The following GCH1 variants were observed in gnomAD, a reference collection of about 807,000 sequenced individuals.
GCH1 encodes GTP cyclohydrolase 1.
Under a neutral mutation model 25.9 loss-of-function variants are expected in GCH1, and 5 were observed. That is an observed-to-expected ratio of 0.19 (90% CI 0.10 to 0.41). GCH1 has a LOEUF of 0.41. Ranked by LOEUF, GCH1 falls within the 10% of genes least tolerant of loss-of-function variation. The probability of loss-of-function intolerance (pLI) is 1.00; values close to 1 mark genes in which losing one functional copy is unlikely to be tolerated. For synonymous variants in GCH1, 159 were observed against 129.6 expected (o/e 1.23, Z -1.54); for missense variants, 261 against 336.5 (o/e 0.78, Z 1.75).
chr14:54,862,245 G>C (rs2039909109), intron 2 of GCH1, among the ~76,000 whole-genome samples: 2 of 151,914 alleles, frequency 1.3e-5, no homozygotes, highest in Non-Finnish European at 2.9e-5. Flanking sequence ...CTCACTTGCT[G>C]GTCTTGAACT....
rs535517364 is a variant in GCH1, at chr14:54,902,327, T to C, written c.337A>G (p.Ile113Val). The change falls in exon 1 of 6, where the codon ATC becomes GTC. Residue 113 changes from isoleucine (I) to valine (V), a missense_variant. Ile to Val is a conservative substitution (Grantham distance 29). Transcript: ENST00000491895. ...AGCCCGCGGGCGCACTGACCTGAGA[T>C]GGTCTCCTGGTAGCCCTTGGTGAAG... ...QFFTKGYQET[I>V]SDVLNDAIFD... The C allele has an allele frequency of 6.2e-7, 1 of 1,612,398 alleles. No homozygotes were observed. Among genetic ancestry groups the C allele is most frequent in the African/African-American group, 1.3e-5 (1 of 75,024 alleles).
chr14:54,852,119 C>G (rs2039740339), intron 3 of GCH1, among the ~76,000 whole-genome samples: 1 of 152,218 alleles, frequency 6.6e-6, no homozygotes, highest in East Asian at 1.9e-4. Context: ...AGTCCTTGCT[C>G]AAGGTCGACA....
chr14:54,859,873 G>A, intron 2 of GCH1, 137 bp from the exon 3 acceptor site: 1 of 684,204 alleles, frequency 1.5e-6, no homozygotes. Context: ...AAAACATCTG[G>A]AACTGTTAAG....
chr14:54,863,267 A>T (rs571039617), intron 2 of GCH1, among the ~76,000 whole-genome samples: 20 of 151,462 alleles, frequency 1.3e-4, no homozygotes, highest in Admixed American at 3.9e-4. Context: ...AAAATACAAC[A>T]ACAAAATTAG....
At chr14:54,883,265 G>A (rs1344612220) in intron 1 of GCH1, among the ~76,000 whole-genome samples, 1 of 151,468 alleles carries the variant, frequency 6.6e-6, no homozygotes, top group African/African-American at 2.4e-5. Flanking sequence ...CCAGCTATTC[G>A]GTAGGCTGAG....
chr14:54,889,652 G>A (rs541567683), intron 1 of GCH1, among the ~76,000 whole-genome samples: 1 of 152,296 alleles, frequency 6.6e-6, no homozygotes, highest in South Asian at 2.1e-4. Context: ...TAAGCAAGAG[G>A]CAGCAGCCAC....
At chr14:54,900,503 G>C (rs2040549986) in intron 1 of GCH1, among the ~76,000 whole-genome samples, 2 of 152,150 alleles carry the variant, frequency 1.3e-5, no homozygotes, top group Admixed American at 6.5e-5. Flanking sequence ...TGAGCACCGA[G>C]CTCGGCCAAC....
At chr14:54,862,685 C>T (rs753758113) in intron 2 of GCH1, among the ~76,000 whole-genome samples, 28 of 140,798 alleles carry the variant, frequency 2.0e-4, no homozygotes, top group African/African-American at 2.6e-4. Flanking sequence ...GAGCTCAAAG[C>T]GATACATCCA....
At chr14:54,877,872 T>C (rs1045318841) in intron 1 of GCH1, among the ~76,000 whole-genome samples, 4 of 152,110 alleles carry the variant, frequency 2.6e-5, no homozygotes, top group African/African-American at 9.7e-5. Context: ...CACAAATCTC[T>C]AGGCCCCACC....
chr14:54,873,535 A>C (rs1427504458), intron 1 of GCH1, among the ~76,000 whole-genome samples: 2 of 97,494 alleles, frequency 2.1e-5, no homozygotes, highest in Non-Finnish European at 4.6e-5. Context: ...AAAAGCCTTC[A>C]AAAAATCAAT....
At chr14:54,875,132 C>T (rs1173598245) in intron 1 of GCH1, among the ~76,000 whole-genome samples, 1 of 152,096 alleles carries the variant, frequency 6.6e-6, no homozygotes, top group Non-Finnish European at 1.5e-5. Flanking sequence ...GAGATATAGA[C>T]CAATGGAACA....
chr14:54,860,346 T>C (rs896935882), intron 2 of GCH1, among the ~76,000 whole-genome samples: 2 of 152,138 alleles, frequency 1.3e-5, no homozygotes, highest in African/African-American at 4.8e-5. Flanking sequence ...CACTAAAATG[T>C]ATACAGGAAA....
chr14:54,896,527 C>T (rs1056733125), intron 1 of GCH1, among the ~76,000 whole-genome samples: 1 of 151,962 alleles, frequency 6.6e-6, no homozygotes, highest in Non-Finnish European at 1.5e-5. Flanking sequence ...TAGATACAGG[C>T]TTTCAAACTT....
chr14:54,886,116 C>A, intron 1 of GCH1: 1 of 158,940 alleles, frequency 6.3e-6, no homozygotes, highest in South Asian at 1.7e-4. Flanking sequence ...CTGGGTGCCC[C>A]ATCTCATCCT....
chr14:54,863,707 A>G (rs1160041345), intron 2 of GCH1, among the ~76,000 whole-genome samples: 7 of 152,098 alleles, frequency 4.6e-5, no homozygotes, highest in Non-Finnish European at 2.9e-5. Flanking sequence ...CCACTTACAT[A>G]TAGTTGAAAA....
At chr14:54,855,536 C>G (rs998525215) in intron 3 of GCH1, among the ~76,000 whole-genome samples, 2 of 105,368 alleles carry the variant, frequency 1.9e-5, no homozygotes, top group South Asian at 5.4e-4. Context: ...AAAAGCTGGC[C>G]GGGTGCAGTG....
chr14:54,885,536 A>G, intron 1 of GCH1: 1 of 359,814 alleles, frequency 2.8e-6, no homozygotes, highest in Non-Finnish European at 5.3e-6. Flanking sequence ...TTCTGATACA[A>G]GCAGATCTGC....
intron 3 of GCH1, among the ~76,000 whole-genome samples, chr14:54,856,840 A>AT: frequency 6.6e-6 from 1 of 152,368 alleles, no homozygotes; most frequent in South Asian, 2.1e-4. Context: ...AACTAAGTTT[A>AT]TTCTAGAATT....
intron 1 of GCH1, among the ~76,000 whole-genome samples, chr14:54,880,757 TATATATATATATACTCC>T (rs1325086431): frequency 3.6e-5 from 2 of 55,118 alleles, no homozygotes; most frequent in Admixed American, 2.1e-4. Context: ...ATATACTCCA[TATATATATATATACTCC>T]ATATATATAT....
Sources: allele counts gnomAD v4.1 joint callset (sites outside exome capture counted in the v4.1 genomes callset), GRCh38; gene constraint gnomAD v4.1.1; transcripts MANE v1.5; gene names NCBI Gene and HGNC (gene_info 2026-07-23, HGNC 2026-07-21).